Variants in PALM2AKAP2 observed in about 807,000 individuals in gnomAD.
PALM2AKAP2 encodes PALM2 and AKAP2 fusion, also known as PALM2-AKAP2 fusion protein.
A neutral mutation model predicts 71.5 loss-of-function variants in PALM2AKAP2; 37 were observed. The ratio of observed to expected loss-of-function variants is 0.52; its 90% CI spans 0.40 to 0.68. The LOEUF (loss-of-function observed/expected upper bound fraction) is 0.68. Among genes scored for constraint, PALM2AKAP2 ranks in the 30% least tolerant of loss-of-function variants. The pLI, the probability that PALM2AKAP2 is intolerant of heterozygous loss-of-function variation, is 0.00. For missense variants in PALM2AKAP2, 1,224 were observed against 1,191.8 expected (o/e 1.03, Z -0.40); for synonymous variants, 468 against 478.8 (o/e 0.98, Z 0.29).
chr9:109,651,247 C>T (rs1028950971), intron 1 of PALM2AKAP2, among the ~76,000 whole-genome samples: 3 of 152,188 alleles, frequency 2.0e-5, no homozygotes, highest in African/African-American at 7.2e-5. Context: ...GGTTTCTCTT[C>T]CTACAGGGCA....
At position 110,137,107 on chromosome 9, in the gene PALM2AKAP2, G is replaced by T. The variant is rs1258554394; in HGVS notation, c.1137G>T (p.Gln379His). ...AGCAGTTACAGCAGCAGCAGCAGCA[G>T]CCCCCATCGCAGCTCTGCACAGCCC... is the stretch of plus-strand genomic sequence containing the variant. The change falls in exon 2 of 4, where the codon CAG becomes CAT. Residue 379 changes from glutamine (Q) to histidine (H), a missense_variant. By Grantham distance (24) the Gln-to-His change is conservative. Coordinates refer to ENST00000374525, the Ensembl canonical transcript of PALM2AKAP2. The T allele has an allele frequency of 1.1e-5, 18 of 1,613,054 alleles. No homozygotes were observed. The highest frequency in any genetic ancestry group is 1.5e-5 in the Non-Finnish European group (18 of 1,179,726).
chr9:109,683,289 G>T (rs1169949714), intron 1 of PALM2AKAP2, among the ~76,000 whole-genome samples: 1 of 152,136 alleles, frequency 6.6e-6, no homozygotes, highest in Non-Finnish European at 1.5e-5. Flanking sequence ...AGCAAGAATG[G>T]ATTAATACAG....
At chr9:109,655,036 TC>T (rs1384434070) in intron 1 of PALM2AKAP2, among the ~76,000 whole-genome samples, 1 of 152,092 alleles carries the variant, frequency 6.6e-6, no homozygotes, top group African/African-American at 2.4e-5. Context: ...ACGCCTGTAA[TC>T]CCAGCACTTT....
chr9:110,084,967 C>G (rs554084999), intron 1 of PALM2AKAP2, among the ~76,000 whole-genome samples: 1 of 152,024 alleles, frequency 6.6e-6, no homozygotes, highest in South Asian at 2.1e-4. Flanking sequence ...GTCTTGATCT[C>G]CTGACCTTAT....
chr9:110,159,984 T>G (rs1393806593), intron 3 of PALM2AKAP2, among the ~76,000 whole-genome samples: 1 of 152,214 alleles, frequency 6.6e-6, no homozygotes, highest in East Asian at 1.9e-4. Flanking sequence ...TTCTTTGTCC[T>G]GTATATTGGA....
At chr9:109,993,184 T>TAA (rs3063883) in intron 6 of PALM2AKAP2, among the ~76,000 whole-genome samples, 107,768 of 138,648 alleles carry the variant, frequency 0.78, 42,049 homozygotes, top group Middle Eastern at 0.91. Flanking sequence ...CAAAGTGCCT[T>TAA]AAAAAAAAAA....
rs372446547 is a variant in PALM2AKAP2, at chr9:109,690,517, A to G, written c.5+49651A>G. Reference sequence around the variant, plus strand: ...TTTTGAAATGGTCTTCTATTTTCCTATAGTTGTTATAGCTTAATACTATGC... The same window carrying G: ...TTTTGAAATGGTCTTCTATTTTCCTGTAGTTGTTATAGCTTAATACTATGC... On this transcript the variant is annotated intron_variant, in intron 1 of 6. Coordinates refer to the PALM2AKAP2 transcript ENST00000374531. Among the ~76,000 whole-genome samples, 53 of 152,292 alleles carry G rather than the reference A, an allele frequency of 3.5e-4. 1 individual carries two copies. In the South Asian group the frequency reaches 0.011, roughly 30 times the overall value.
chr9:109,647,228 A>G (rs1314717602), intron 1 of PALM2AKAP2, among the ~76,000 whole-genome samples: 2 of 152,076 alleles, frequency 1.3e-5, no homozygotes, highest in African/African-American at 4.8e-5. Flanking sequence ...ACTTTTTCTT[A>G]TCAATGTATG....
intron 1 of PALM2AKAP2, 102 bp from the exon 8 acceptor site, chr9:110,136,025 G>A: frequency 7.1e-7 from 1 of 1,403,364 alleles, no homozygotes; most frequent in Non-Finnish European, 9.5e-7. Flanking sequence ...TGTCACTGTG[G>A]TTTCCATTTT....
At chr9:110,086,106 C>CAAA (rs34871967) in intron 1 of PALM2AKAP2, among the ~76,000 whole-genome samples, 4 of 80,238 alleles carry the variant, frequency 5.0e-5, no homozygotes, top group Non-Finnish European at 1.1e-4. Context: ...GACTCCATCT[C>CAAA]AAAAAAAAAA....
intron 3 of PALM2AKAP2, among the ~76,000 whole-genome samples, chr9:109,907,897 C>T (rs1390766537): frequency 1.3e-5 from 2 of 152,206 alleles, no homozygotes; most frequent in African/African-American, 4.8e-5. Context: ...ATGCCGACCT[C>T]CTTCCTAGTC....
upstream of PALM2AKAP2, chr9:110,048,591 G>A: frequency 8.3e-7 from 1 of 1,206,372 alleles, no homozygotes; most frequent in Non-Finnish European, 1.1e-6. Flanking sequence ...GTCCGTGGGC[G>A]CTGGGCTACT....
At chr9:109,968,245 C>A (rs745448210) in intron 6 of PALM2AKAP2, among the ~76,000 whole-genome samples, 5 of 152,232 alleles carry the variant, frequency 3.3e-5, no homozygotes, top group Non-Finnish European at 7.3e-5. Context: ...GTCTGGCCTG[C>A]CTGCTTTGCA....
intron 6 of PALM2AKAP2, among the ~76,000 whole-genome samples, chr9:110,004,368 C>T (rs1001587541): frequency 3.9e-5 from 6 of 152,140 alleles, no homozygotes; most frequent in African/African-American, 7.2e-5. Context: ...CCCACTCTCT[C>T]CTGGCTTGTA....
intron 3 of PALM2AKAP2, among the ~76,000 whole-genome samples, chr9:109,921,626 AG>A (rs949352498): frequency 1.3e-5 from 2 of 152,234 alleles, no homozygotes; most frequent in African/African-American, 4.8e-5. Flanking sequence ...ACCTCATGAC[AG>A]GTGGCATCTG....
upstream of PALM2AKAP2, among the ~76,000 whole-genome samples, chr9:109,775,961 G>A (rs143425037): frequency 1.6e-3 from 247 of 152,236 alleles, 1 homozygote; most frequent in African/African-American, 5.5e-3. Context: ...CCACTAAACC[G>A]TACAGATGGT....
intron 6 of PALM2AKAP2, among the ~76,000 whole-genome samples, chr9:110,000,292 T>C (rs1388104996): frequency 1.3e-5 from 2 of 152,112 alleles, no homozygotes; most frequent in Admixed American, 1.3e-4. Context: ...CATAGTTTGC[T>C]GAGAATGATG....
At chr9:109,699,534 G>A (rs972739547) in intron 1 of PALM2AKAP2, among the ~76,000 whole-genome samples, 2 of 152,098 alleles carry the variant, frequency 1.3e-5, no homozygotes, top group African/African-American at 4.8e-5. Context: ...TTATAGGCCA[G>A]AACATTATTC....
intron 1 of PALM2AKAP2, among the ~76,000 whole-genome samples, chr9:109,689,387 A>G (rs1827849984): frequency 6.6e-6 from 1 of 151,614 alleles, no homozygotes. Flanking sequence ...TCTGGTAGAG[A>G]CTGGGTTTCA....
Sources: allele counts gnomAD v4.1 joint callset (sites outside exome capture counted in the v4.1 genomes callset), GRCh38; gene constraint gnomAD v4.1.1; transcripts MANE v1.5; gene names NCBI Gene and HGNC (gene_info 2026-07-23, HGNC 2026-07-21).